Variants in RAD51B observed in about 807,000 individuals in gnomAD.
RAD51B encodes RAD51 paralog B.
RAD51B carries 38 observed loss-of-function variants against 42.2 expected under a neutral mutation model. The ratio of observed to expected loss-of-function variants is 0.90; its 90% confidence interval spans 0.70 to 1.18. The LOEUF (loss-of-function observed/expected upper bound fraction) is 1.18, where lower values mean the gene tolerates loss of function less well. Ranked by LOEUF, RAD51B falls within the 50% of genes most tolerant of loss-of-function variation. RAD51B has a pLI of 0.00. For synonymous variants in RAD51B, 154 were observed against 145.2 expected (o/e 1.06, Z -0.43); for missense variants, 373 against 400.7 (o/e 0.93, Z 0.59).
At chr14:68,499,450 C>T (rs1284331989) in intron 10 of RAD51B, among the ~76,000 whole-genome samples, 1 of 152,158 alleles carries the variant, frequency 6.6e-6, no homozygotes, top group Admixed American at 6.5e-5. Context: ...AGGTCTTATC[C>T]TGACTTTTTA....
At position 67,846,312 on chromosome 14, in the gene RAD51B, C is replaced by T. The variant is rs553146814; in HGVS notation, c.315+11116C>T. 3.4e-4 allele frequency among the ~76,000 whole-genome samples: 52 copies of T among 152,148 alleles called. No individual in the cohort carries two copies. In the South Asian group the frequency reaches 3.9e-3, roughly 12 times the overall value. On this transcript the variant is annotated intron_variant, in intron 4 of 10. Coordinates refer to ENST00000471583, the MANE Select transcript of RAD51B (RefSeq NM_133510.4). ...GTGCTGGTGGCAGTGTGGGGGGTGG[C>T]GTGTGGGTTGCTGTCCTCCGTATGC...
At chr14:68,321,527 T>C (rs2082157097) in intron 8 of RAD51B, among the ~76,000 whole-genome samples, 1 of 152,182 alleles carries the variant, frequency 6.6e-6, no homozygotes, top group Admixed American at 6.5e-5. Flanking sequence ...GAGTCTCTGC[T>C]CTTAGCATTT....
chr14:68,310,760 A>G (rs2081953887), intron 8 of RAD51B, among the ~76,000 whole-genome samples: 1 of 152,076 alleles, frequency 6.6e-6, no homozygotes, highest in Non-Finnish European at 1.5e-5. Context: ...CAGGAGAATC[A>G]CTTGAACCTG....
chr14:68,672,978 G>A (rs1378613429), intron 11 of RAD51B, among the ~76,000 whole-genome samples: 2 of 152,160 alleles, frequency 1.3e-5, no homozygotes, highest in African/African-American at 2.4e-5. Flanking sequence ...CTACTAGGTG[G>A]GTTTTTTGCT....
chr14:68,190,421 A>C (rs1196298493), intron 7 of RAD51B, among the ~76,000 whole-genome samples: 2 of 152,204 alleles, frequency 1.3e-5, no homozygotes, highest in Non-Finnish European at 2.9e-5. Flanking sequence ...AAACATGTAT[A>C]AGCAGAGTTT....
At chr14:68,638,649 G>A (rs553512340) in intron 10 of RAD51B, among the ~76,000 whole-genome samples, 1 of 152,048 alleles carries the variant, frequency 6.6e-6, no homozygotes, top group Admixed American at 6.5e-5. Flanking sequence ...TCGGGGACAA[G>A]TAAGACCCAG....
intron 7 of RAD51B, among the ~76,000 whole-genome samples, chr14:68,285,521 G>A (rs932452653): frequency 5.3e-5 from 8 of 152,160 alleles, no homozygotes; most frequent in Non-Finnish European, 7.4e-5. Flanking sequence ...CTCTTCTTGC[G>A]TCTCTCTCTG....
At chr14:68,199,426 C>T (rs1449954130) in intron 7 of RAD51B, among the ~76,000 whole-genome samples, 2 of 152,166 alleles carry the variant, frequency 1.3e-5, no homozygotes, top group Non-Finnish European at 2.9e-5. Flanking sequence ...GAACTTAGGC[C>T]TGTAATAGTT....
intron 10 of RAD51B, among the ~76,000 whole-genome samples, chr14:68,498,200 C>G (rs1474651908): frequency 6.6e-6 from 1 of 152,218 alleles, no homozygotes; most frequent in African/African-American, 2.4e-5. Flanking sequence ...CTAGAGGGCT[C>G]TGTTCCATGC....
intron 7 of RAD51B, among the ~76,000 whole-genome samples, chr14:67,900,238 T>C (rs1057351838): frequency 6.6e-6 from 1 of 152,220 alleles, no homozygotes; most frequent in Non-Finnish European, 1.5e-5. Context: ...TTAATGCCTT[T>C]TATGTGCCAG....
chr14:68,253,395 TTTCTG>T (rs2080683151), intron 7 of RAD51B, among the ~76,000 whole-genome samples: 1 of 152,240 alleles, frequency 6.6e-6, no homozygotes. Context: ...TTTGTTTAGT[TTTCTG>T]TTCTTCGCGT....
At chr14:68,573,712 G>C (rs559925103) in intron 10 of RAD51B, among the ~76,000 whole-genome samples, 2 of 152,316 alleles carry the variant, frequency 1.3e-5, no homozygotes, top group African/African-American at 4.8e-5. Flanking sequence ...TTAAATGAGT[G>C]GATGAAGTCT....
At chr14:68,072,209 T>TA (rs1223983587) in intron 7 of RAD51B, among the ~76,000 whole-genome samples, 16 of 129,728 alleles carry the variant, frequency 1.2e-4, no homozygotes, top group African/African-American at 5.4e-4. Context: ...TTTTCTAGGT[T>TA]TTATATATAT....
intron 1 of RAD51B, chr14:67,822,160 T>G (rs542766235): frequency 6.6e-6 from 1 of 152,330 alleles, no homozygotes; most frequent in South Asian, 2.1e-4. Context: ...TATATTGCTT[T>G]ATTCCTTGGA....
At chr14:68,087,027 C>T (rs746769399) in intron 7 of RAD51B, among the ~76,000 whole-genome samples, 11 of 151,574 alleles carry the variant, frequency 7.3e-5, no homozygotes, top group Non-Finnish European at 1.0e-4. Context: ...CTCAGCTACT[C>T]GGGAGGCTGA....
intron 7 of RAD51B, among the ~76,000 whole-genome samples, chr14:68,227,915 C>T (rs963983516): frequency 2.6e-5 from 4 of 151,962 alleles, no homozygotes; most frequent in Non-Finnish European, 4.4e-5. Flanking sequence ...TATTATTATG[C>T]CATTAATTAT....
intron 7 of RAD51B, among the ~76,000 whole-genome samples, chr14:68,157,285 G>A (rs1243203785): frequency 1.3e-5 from 2 of 152,134 alleles, no homozygotes; most frequent in Non-Finnish European, 2.9e-5. Flanking sequence ...CCATAAAAGA[G>A]TGCTATTAAA....
At chr14:68,652,256 C>G (rs1892718018) in intron 11 of RAD51B, among the ~76,000 whole-genome samples, 1 of 152,206 alleles carries the variant, frequency 6.6e-6, no homozygotes, top group African/African-American at 2.4e-5. Flanking sequence ...CCACGCAGCC[C>G]CGATATTCTC....
chr14:68,679,123 A>C (rs549324635), intron 11 of RAD51B, among the ~76,000 whole-genome samples: 1 of 152,338 alleles, frequency 6.6e-6, no homozygotes, highest in East Asian at 1.9e-4. Flanking sequence ...TCAAAATCAA[A>C]TGTAAGTAAT....
Sources: allele counts gnomAD v4.1 joint callset (sites outside exome capture counted in the v4.1 genomes callset), GRCh38; gene constraint gnomAD v4.1.1; transcripts MANE v1.5; gene names NCBI Gene and HGNC (gene_info 2026-07-23, HGNC 2026-07-21).